Variants in TECPR2 observed in about 807,000 individuals in gnomAD.
The protein encoded by TECPR2 is tectonin beta-propeller repeat-containing protein 2.
A neutral mutation model predicts 138.1 loss-of-function variants in TECPR2; 65 were observed. That is an observed-to-expected ratio of 0.47 (90% confidence interval 0.39 to 0.58). The LOEUF (loss-of-function observed/expected upper bound fraction) is 0.58, where lower values mean the gene tolerates loss of function less well. Among genes scored for constraint, TECPR2 ranks in the 20% least tolerant of loss-of-function variants. The pLI, the probability that TECPR2 is intolerant of heterozygous loss-of-function variation, is 0.00. For missense variants in TECPR2, 1,553 were observed against 1,824.5 expected (o/e 0.85, Z 2.71); for synonymous variants, 746 against 749.8 (o/e 0.99, Z 0.08).
rs1382774384 is a variant in TECPR2, at chr14:102,377,047, G to A, written c.219+107G>A. 3.5e-6 allele frequency: 4 copies of A among 1,132,568 alleles called. No individual in the cohort carries two copies. In the African/African-American group the frequency reaches 4.6e-5, roughly 13 times the overall value. The allele number at this position is 1,132,568 out of a possible 1,614,324, so 70.2% of individuals were successfully genotyped here. A position where few individuals can be genotyped will look rare whatever the true frequency, so the allele number is the denominator to read the frequency against. ...TTTACTTCTGATTTGCCAGAATATGGCCTTAATACCTCACCCAAACAATAC... is the reference window on the plus strand; with the variant it reads ...TTTACTTCTGATTTGCCAGAATATGACCTTAATACCTCACCCAAACAATAC... On this transcript the variant is annotated intron_variant, in intron 2 of 19. Transcript: ENST00000359520.
intron 17 of TECPR2, among the ~76,000 whole-genome samples, chr14:102,488,072 G>C (rs1891074675): frequency 6.9e-6 from 1 of 144,556 alleles, no homozygotes; most frequent in African/African-American, 2.6e-5. Flanking sequence ...TTGAACTCCG[G>C]ACCTCAGGTG....
chr14:102,445,961 T>C lies in TECPR2; in HGVS notation c.3075+14T>C, dbSNP rs763534708. 8 of 1,607,958 alleles carry C rather than the reference T, an allele frequency of 5.0e-6. No individual in the cohort carries two copies. Among genetic ancestry groups the C allele is most frequent in the Non-Finnish European group, 5.1e-6 (6 of 1,175,726 alleles). On this transcript the variant is annotated intron_variant, in intron 13 of 19. Coordinates refer to ENST00000359520, the MANE Select transcript of TECPR2 (RefSeq NM_014844.5). ...CATTGGTGGCAAGTAGGTGTTCAGCTCTGCGCCACGTGCCGAGGTCTCCCG... is the reference window on the plus strand; with the variant it reads ...CATTGGTGGCAAGTAGGTGTTCAGCCCTGCGCCACGTGCCGAGGTCTCCCG...
chr14:102,369,948 C>G (rs1345446848), intron 1 of TECPR2, among the ~76,000 whole-genome samples: 2 of 151,980 alleles, frequency 1.3e-5, no homozygotes, highest in Non-Finnish European at 2.9e-5. Flanking sequence ...GAGTGAGACT[C>G]TGTCTCAAAA....
At chr14:102,388,960 C>CAAA (rs778348018) in intron 2 of TECPR2, among the ~76,000 whole-genome samples, 8 of 59,406 alleles carry the variant, frequency 1.3e-4, no homozygotes, top group Non-Finnish European at 2.7e-4. Flanking sequence ...GACTCCGTCT[C>CAAA]AAAAAAAAAA....
Position 102,498,167 on chromosome 14 carries a change from G to A in TECPR2, c.4146G>A (p.Lys1382=). ...GCTACCTCCTCCAACGGCTGACAAAGACGTTCAGCCACTCGCACGGCACCC... is the reference window on the plus strand; with the variant it reads ...GCTACCTCCTCCAACGGCTGACAAAAACGTTCAGCCACTCGCACGGCACCC... ...PPGYLLQRLT[K]TFSHSHGTQK... is the part of the protein sequence containing the mutation. Residue 1382 remains lysine (K), a synonymous_variant, in exon 20 of 20, where the codon AAG becomes AAA. Transcript: ENST00000359520. The A allele has an allele frequency of 6.2e-7, 1 of 1,612,774 alleles. No individual in the cohort carries two copies. The highest frequency in any genetic ancestry group is 8.5e-7 in the Non-Finnish European group (1 of 1,179,994).
In TECPR2 at chr14:102,434,849, A is replaced by T; in HGVS notation, c.2032A>T (p.Ser678Cys). The part of the protein sequence containing the change: ...RADEGSPVEP[S>C]QEQDILTSME... ...TGATGAAGGCAGCCCCGTGGAGCCC[A>T]GCCAAGAGCAGGACATCCTAACCAG... Residue 678 changes from serine (S) to cysteine (C), a missense_variant, in exon 9 of 20, where the codon AGC (serine) becomes TGC (cysteine). By Grantham distance (112) the Ser-to-Cys change is moderately radical. Transcript: ENST00000359520. 1 of 1,613,576 alleles carries T rather than the reference A, an allele frequency of 6.2e-7. No homozygotes were observed. Among genetic ancestry groups the T allele is most frequent in the Non-Finnish European group, 8.5e-7 (1 of 1,180,008 alleles).
rs1889143266 is a variant in TECPR2, at chr14:102,420,256, A to G, written c.639-4723A>G. 2.0e-5 allele frequency among the ~76,000 whole-genome samples: 3 copies of G among 152,206 alleles called. No individual in the cohort carries two copies. The highest frequency in any genetic ancestry group is 7.2e-5 in the African/African-American group (3 of 41,456). On this transcript the variant is annotated intron_variant, in intron 5 of 19. Transcript: ENST00000359520. This position sits in a 1 kb window ranked among gnomAD's most constrained non-coding sequence, Gnocchi z 4.1. ...GGAAATCATCTCTACCGAAATTAAG[A>G]AATTATATTAATTTGTTTATGATTT...
At chr14:102,416,079 C>T (rs1364237414) in intron 5 of TECPR2, among the ~76,000 whole-genome samples, 1 of 152,150 alleles carries the variant, frequency 6.6e-6, no homozygotes, top group African/African-American at 2.4e-5. Flanking sequence ...CAAACCTCCC[C>T]TTTCTTCTAT....
chr14:102,441,902 T>C (rs184436094), intron 11 of TECPR2, among the ~76,000 whole-genome samples: 1 of 152,344 alleles, frequency 6.6e-6, no homozygotes, highest in East Asian at 1.9e-4. Flanking sequence ...GGAGTTATCG[T>C]CAGTTGTCCA....
At chr14:102,484,763 A>G (rs1357530461) in intron 17 of TECPR2, among the ~76,000 whole-genome samples, 1 of 152,020 alleles carries the variant, frequency 6.6e-6, no homozygotes, top group Non-Finnish European at 1.5e-5. Flanking sequence ...TGTTCAAGCA[A>G]TTCTCTGCCT....
At chr14:102,453,050 G>A (rs1018534382) in intron 16 of TECPR2, among the ~76,000 whole-genome samples, 8 of 152,318 alleles carry the variant, frequency 5.3e-5, no homozygotes, top group Admixed American at 1.3e-4. Flanking sequence ...AGTACCTGGC[G>A]GAGGAGAGTG....
At chr14:102,427,930 C>T (rs550175986) in intron 6 of TECPR2, among the ~76,000 whole-genome samples, 6 of 152,304 alleles carry the variant, frequency 3.9e-5, no homozygotes, top group South Asian at 2.1e-4. Context: ...AAGAGAAGCA[C>T]GTGCATTCAC....
At chr14:102,375,364 G>A (rs552909039) in intron 1 of TECPR2, among the ~76,000 whole-genome samples, 1 of 152,112 alleles carries the variant, frequency 6.6e-6, no homozygotes, top group South Asian at 2.1e-4. Context: ...AGAAGAAAGG[G>A]GCTGTGTAGA....
At chr14:102,364,886 C>G (rs1475262550) in intron 1 of TECPR2, among the ~76,000 whole-genome samples, 1 of 152,104 alleles carries the variant, frequency 6.6e-6, no homozygotes, top group East Asian at 1.9e-4. Context: ...TAATGAAAAG[C>G]TTTGGTGTCA....
chr14:102,497,101 C>T lies in TECPR2; in HGVS notation c.3912C>T (p.Thr1304=), dbSNP rs748689796. ...TCACCGAGGAGATGCCTGTGGGGACCGCCTGGGAGCATGTGCCAGGTAGGA... is the reference window on the plus strand; with the variant it reads ...TCACCGAGGAGATGCCTGTGGGGACTGCCTGGGAGCATGTGCCAGGTAGGA... ...TGITEEMPVG[T]AWEHVPGLQA... is the part of the protein sequence containing the mutation. Residue 1304 remains threonine (T), a synonymous_variant, in exon 18 of 20, where the codon ACC becomes ACT. Coordinates refer to ENST00000359520, the MANE Select transcript of TECPR2 (RefSeq NM_014844.5). 3.0e-5 allele frequency: 49 copies of T among 1,611,904 alleles called. No individual in the cohort carries two copies. In the Admixed American group the frequency reaches 4.2e-4, roughly 14 times the overall value.
In TECPR2 at chr14:102,449,873, G is replaced by A. The variant is rs1304448737; in HGVS notation, c.3316+4G>A. ...GTCGCTAAGGGAAGTCTCATAGGTG[G>A]GTGAATTGCTGTAATTTTCACACTG... is the stretch of plus-strand genomic sequence containing the variant. On this transcript the variant is annotated splice_donor_region_variant and intron_variant, in intron 14 of 19. Coordinates refer to ENST00000359520, the MANE Select transcript of TECPR2 (RefSeq NM_014844.5). The A allele has an allele frequency of 1.2e-6, 2 of 1,611,460 alleles. No individual in the cohort carries two copies. The highest frequency in any genetic ancestry group is 1.7e-6 in the Non-Finnish European group (2 of 1,179,216).
rs1451131248 is a variant in TECPR2, at chr14:102,501,786, T to TA, written c.*3534dup. 2.6e-5 allele frequency: 4 copies of TA among 152,094 alleles called. No individual in the cohort carries two copies. The highest frequency in any genetic ancestry group is 2.6e-4 in the Admixed American group (4 of 15,266). 9.4% of individuals were successfully genotyped at this position (152,094 alleles called of 1,614,324 possible). Reference sequence around the variant, plus strand: ...TAAAGCTTTCCATAAATATATTTATTAAAAACCAATAGGAGGAGCACTTCG... The same window carrying TA: ...TAAAGCTTTCCATAAATATATTTATTAAAAAACCAATAGGAGGAGCACTTCG... On this transcript the variant is annotated 3_prime_UTR_variant, in exon 20 of 20. Coordinates refer to ENST00000359520, the MANE Select transcript of TECPR2 (RefSeq NM_014844.5).
At position 102,465,940 on chromosome 14, in the gene TECPR2, T is replaced by C. The variant is rs115029796; in HGVS notation, c.3789+651T>C. 2.9e-3 allele frequency among the ~76,000 whole-genome samples: 449 copies of C among 152,264 alleles called. 3 individuals carry two copies. The highest frequency in any genetic ancestry group is 9.9e-3 in the African/African-American group (411 of 41,546). Reference sequence around the variant, plus strand: ...GTTTATAACTGGGGGCTGTGGTTTTTTGAGACTTATTTGCCCAGACTCCTG... The same window carrying C: ...GTTTATAACTGGGGGCTGTGGTTTTCTGAGACTTATTTGCCCAGACTCCTG... On this transcript the variant is annotated intron_variant, in intron 17 of 19. Coordinates refer to ENST00000359520, the MANE Select transcript of TECPR2 (RefSeq NM_014844.5).
Position 102,443,933 on chromosome 14 carries a change from C to A in TECPR2, c.2933+106C>A. On this transcript the variant is annotated intron_variant, in intron 12 of 19. Coordinates refer to ENST00000359520, the MANE Select transcript of TECPR2 (RefSeq NM_014844.5). The surrounding 1 kb of genome is among the most constrained non-coding windows in gnomAD (Gnocchi z 4.9). Reference sequence around the variant, plus strand: ...TGAGGCCGTTCCTGGGAGGCAGCACCTGCAGCCTCCATGGCTATAGGCTAA... The same window carrying A: ...TGAGGCCGTTCCTGGGAGGCAGCACATGCAGCCTCCATGGCTATAGGCTAA... 1 of 1,098,670 alleles carries A rather than the reference C, an allele frequency of 9.1e-7. No homozygotes were observed. Among genetic ancestry groups the A allele is most frequent in the Non-Finnish European group, 1.3e-6 (1 of 797,124 alleles). The allele number at this position is 1,098,670 out of a possible 1,614,324, so 68.1% of individuals were successfully genotyped here.
Sources: gnomAD v4.1 joint callset for allele counts (sites outside exome capture counted in the v4.1 genomes callset) on GRCh38, gnomAD v4.1.1 for gene constraint, Gnocchi (gnomAD v3.1) non-coding constraint, MANE v1.5 for transcripts, NCBI Gene and HGNC (gene_info 2026-07-23, HGNC 2026-07-21) for gene names.